Variants in KIAA1671 observed in about 807,000 individuals in gnomAD.
KIAA1671 encodes the protein uncharacterized protein KIAA1671.
A neutral mutation model predicts 131.2 loss-of-function variants in KIAA1671; 52 were observed. That is an observed-to-expected ratio of 0.40 (90% confidence interval 0.32 to 0.50). The LOEUF is 0.50. KIAA1671 is among the 20% of genes least tolerant of loss of function. The probability of loss-of-function intolerance (pLI) is 0.73; values close to 1 mark genes in which losing one functional copy is unlikely to be tolerated. For synonymous variants in KIAA1671, 1,003 were observed against 961.6 expected (o/e 1.04, Z -0.80); for missense variants, 2,360 against 2,364.2 (o/e 1.00, Z 0.04).
In KIAA1671 at chr22:25,137,399, G is replaced by A. The variant is rs1456444989; in HGVS notation, c.4531-33421G>A. The stretch of plus-strand genomic sequence containing the variant: ...GCCTGTGGTAACACCTCTCTGTAAA[G>A]GTCAGAGGCTAAATTTAGGAAAGTG... On this transcript the variant is annotated intron_variant, in intron 6 of 12. Coordinates refer to ENST00000358431, the MANE Select transcript of KIAA1671 (RefSeq NM_001145206.2). 2.0e-5 allele frequency among the ~76,000 whole-genome samples: 3 copies of A among 152,104 alleles called. No individual in the cohort carries two copies. In the East Asian group the frequency reaches 5.8e-4, roughly 29 times the overall value.
chr22:25,051,481 A>G (rs1021930972), intron 6 of KIAA1671: 1 of 152,282 alleles, frequency 6.6e-6, no homozygotes, highest in Non-Finnish European at 1.5e-5. Context: ...ATCACCCAGC[A>G]CATAGTAAAT....
intron 6 of KIAA1671, among the ~76,000 whole-genome samples, chr22:25,131,815 G>A (rs536467180): frequency 6.6e-5 from 10 of 152,212 alleles, no homozygotes; most frequent in African/African-American, 9.7e-5. Context: ...GCCATCTGCC[G>A]GCTGGGTGGC....
intron 6 of KIAA1671, among the ~76,000 whole-genome samples, chr22:25,076,254 A>T (rs1929102206): frequency 6.6e-6 from 1 of 152,010 alleles, no homozygotes; most frequent in Non-Finnish European, 1.5e-5. Flanking sequence ...GGGATTGGTG[A>T]ATCTAGTAGC....
At chr22:25,070,181 GTT>G (rs1928739439) in intron 6 of KIAA1671, 2 of 390,510 alleles carry the variant, frequency 5.1e-6, no homozygotes, top group Non-Finnish European at 9.0e-6. Context: ...TGGCTTCTCA[GTT>G]CCCCAGGCAG....
intron 6 of KIAA1671, among the ~76,000 whole-genome samples, chr22:25,094,684 G>A (rs1275815818): frequency 6.6e-6 from 1 of 152,150 alleles, no homozygotes; most frequent in Non-Finnish European, 1.5e-5. Context: ...AAGAAAATAT[G>A]TCATGTGCCT....
chr22:25,062,827 C>CCCCACCA (rs1555874922), intron 6 of KIAA1671: 3 of 98,936 alleles, frequency 3.0e-5, no homozygotes, highest in Non-Finnish European at 4.4e-5. Context: ...CACCCCCGCC[C>CCCCACCA]CCCGCCACCC....
Position 25,177,525 on chromosome 22 carries a change from A to G in KIAA1671, c.5074+3A>G. On this transcript the variant is annotated splice_donor_region_variant and intron_variant, in intron 9 of 12. Coordinates refer to ENST00000358431, the MANE Select transcript of KIAA1671 (RefSeq NM_001145206.2). ...GTGGATGTTCAAAGACTCAACGGGT[A>G]TGCCATGACTTCTCTCCTCCTCAGA... is the stretch of plus-strand genomic sequence containing the variant. 1 of 1,549,088 alleles carries G rather than the reference A, an allele frequency of 6.5e-7. No individual in the cohort carries two copies.
intron 1 of KIAA1671, among the ~76,000 whole-genome samples, chr22:25,018,347 G>C (rs377470178): frequency 6.6e-6 from 1 of 151,828 alleles, no homozygotes; most frequent in Admixed American, 6.6e-5. Context: ...TTTGGTTCCC[G>C]TTATGTTTGT....
intron 1 of KIAA1671, among the ~76,000 whole-genome samples, chr22:24,959,950 C>A (rs1473298500): frequency 6.6e-6 from 1 of 151,766 alleles, no homozygotes; most frequent in African/African-American, 2.4e-5. Context: ...CCAGCCTGGC[C>A]AACATGGTGA....
At chr22:25,094,307 T>C (rs369853593) in intron 6 of KIAA1671, among the ~76,000 whole-genome samples, 167 of 152,176 alleles carry the variant, frequency 1.1e-3, no homozygotes, top group African/African-American at 3.5e-3. Flanking sequence ...CGTGTTGTGC[T>C]GCGGGTGGTA....
chr22:25,133,990 T>A (rs1404896078), intron 6 of KIAA1671, among the ~76,000 whole-genome samples: 2 of 152,238 alleles, frequency 1.3e-5, no homozygotes, highest in Non-Finnish European at 2.9e-5. Context: ...ACTTTCCATC[T>A]GGTACAGGAC....
At chr22:25,068,583 C>T (rs957228030) in intron 6 of KIAA1671, among the ~76,000 whole-genome samples, 2 of 152,152 alleles carry the variant, frequency 1.3e-5, no homozygotes, top group African/African-American at 4.8e-5. Flanking sequence ...ACTACAGGCG[C>T]CCGCCTCCGC....
intron 6 of KIAA1671, among the ~76,000 whole-genome samples, chr22:25,149,597 A>T (rs1181990696): frequency 6.6e-6 from 1 of 151,790 alleles, no homozygotes; most frequent in Middle Eastern, 3.2e-3. Context: ...TGGACCCTGG[A>T]AGACCCCCCA....
In KIAA1671 at chr22:25,196,377, A is replaced by G. The variant is rs976940103; in HGVS notation, c.*3976A>G. The G allele has an allele frequency of 6.6e-6, 1 of 151,696 alleles. No individual in the cohort carries two copies. Among genetic ancestry groups the G allele is most frequent in the Non-Finnish European group, 1.5e-5 (1 of 67,984 alleles). 9.4% of individuals were successfully genotyped at this position (151,696 alleles called of 1,614,324 possible). ...GACTTGGACGGGCACTTCCTTGACA[A>G]TTCCTATTGGCATCACACGGGCTAC... On this transcript the variant is annotated 3_prime_UTR_variant, in exon 13 of 13. Transcript: ENST00000358431.
chr22:25,044,488 C>T (rs1260298575), intron 5 of KIAA1671, among the ~76,000 whole-genome samples: 1 of 152,148 alleles, frequency 6.6e-6, no homozygotes, highest in East Asian at 1.9e-4. Flanking sequence ...TCCCGCAGCC[C>T]AGCCTTGGAT....
At chr22:24,957,659 G>C (rs1380677691) in intron 1 of KIAA1671, among the ~76,000 whole-genome samples, 5 of 144,834 alleles carry the variant, frequency 3.5e-5, no homozygotes, top group Admixed American at 3.4e-4. Context: ...TCTGGGCTAA[G>C]CTCTTTTGTT....
intron 1 of KIAA1671, among the ~76,000 whole-genome samples, chr22:24,998,450 TG>T (rs987818094): frequency 3.3e-5 from 5 of 151,762 alleles, no homozygotes; most frequent in Non-Finnish European, 5.9e-5. Context: ...CCGGGCACGG[TG>T]GCTCACACCT....
At chr22:24,981,062 CTGTGTGTG>C (rs35906863) in intron 1 of KIAA1671, among the ~76,000 whole-genome samples, 5 of 148,806 alleles carry the variant, frequency 3.4e-5, no homozygotes, top group South Asian at 2.1e-4. Context: ...TTGTTATTTT[CTGTGTGTG>C]TGTGTGTGTG....
At chr22:24,992,814 C>CAAAAA (rs761181079) in intron 1 of KIAA1671, among the ~76,000 whole-genome samples, 970 of 57,336 alleles carry the variant, frequency 0.017, 162 homozygotes, top group African/African-American at 0.06. Flanking sequence ...GACTCCGTCT[C>CAAAAA]AAAAAAAAAA....
Sources: allele counts gnomAD v4.1 joint callset (sites outside exome capture counted in the v4.1 genomes callset), GRCh38; gene constraint gnomAD v4.1.1; transcripts MANE v1.5; gene names NCBI Gene and HGNC (gene_info 2026-07-23, HGNC 2026-07-21).